Variants in PAN2 observed in about 807,000 individuals in gnomAD.
PAN2 encodes poly(A) specific ribonuclease subunit PAN2.
A neutral mutation model predicts 133.3 loss-of-function variants in PAN2; 68 were observed. The observed-to-expected ratio is 0.51, with a 90% CI of 0.42 to 0.62. PAN2 has a LOEUF of 0.62. Among genes scored for constraint, PAN2 ranks in the 20% least tolerant of loss-of-function variants. PAN2 has a pLI of 0.00. For synonymous variants in PAN2, 462 were observed against 544.6 expected (o/e 0.85, Z 2.11); for missense variants, 1,042 against 1,500.5 (o/e 0.69, Z 5.05).
In PAN2 at chr12:56,328,366, G is replaced by A. The variant is rs374590758; in HGVS notation, c.453-8C>T. ...TCCTCATTCTCATCCAGCCTGGTGGGGAGAGGAAAGGCTAAGGGGCCCAGG... is the reference window on the plus strand; with the variant it reads ...TCCTCATTCTCATCCAGCCTGGTGGAGAGAGGAAAGGCTAAGGGGCCCAGG... On this transcript the variant is annotated splice_polypyrimidine_tract_variant and splice_region_variant and intron_variant, in intron 3 of 25. Coordinates refer to ENST00000440411, the MANE Select transcript of PAN2 (RefSeq NM_014871.6). The A allele has an allele frequency of 2.5e-6, 4 of 1,592,490 alleles. No individual in the cohort carries two copies. The highest frequency in any genetic ancestry group is 1.7e-4 in the Middle Eastern group (1 of 5,960).
At position 56,328,030 on chromosome 12, in the gene PAN2, T is replaced by C; in HGVS notation, c.616A>G (p.Asn206Asp). The C allele has an allele frequency of 6.2e-7, 1 of 1,613,954 alleles. No homozygotes were observed. Among genetic ancestry groups the C allele is most frequent in the Non-Finnish European group, 8.5e-7 (1 of 1,179,896 alleles). The change falls in exon 5 of 26, where the codon AAT (asparagine) becomes GAT (aspartate). Residue 206 changes from asparagine to aspartate, a missense_variant. This residue lies in a region of PAN2 where 908 missense variants were observed against 1,223.5 expected (regional missense o/e 0.74). Coordinates refer to ENST00000440411, the MANE Select transcript of PAN2 (RefSeq NM_014871.6). ...GTGTGGCCGCAGAAGAAGAAGCGAT[T>C]TGTCTGTCTCATGATGGTGACTCCA... ...TPGVTIMRQT[N>D]RFFFCGHTSG...
At chr12:56,327,311 A>G (rs1376314557) in intron 6 of PAN2, 53 bp downstream of exon 6, 1 of 1,583,664 alleles carries the variant, frequency 6.3e-7, no homozygotes, top group Non-Finnish European at 8.7e-7. Context: ...TTCGGGTTCT[A>G]GCTCTCCTTT....
Position 56,326,800 on chromosome 12 carries a change from G to A in PAN2, c.1079C>T (p.Ser360Phe). Reference sequence around the variant, plus strand: ...GTAGGGGTTGAAGGAAGGCTCCGGGGAATCAGTCCAGAGGTGCACACAGCC... The same window carrying A: ...GTAGGGGTTGAAGGAAGGCTCCGGGAAATCAGTCCAGAGGTGCACACAGCC... ...SEGCVHLWTD[S>F]PEPSFNPYSR... Residue 360 changes from serine to phenylalanine, a missense_variant, in exon 7 of 26, where the codon TCC becomes TTC. Ser to Phe is a radical substitution (Grantham distance 155). Transcript: ENST00000440411. The A allele has an allele frequency of 1.9e-6, 3 of 1,614,214 alleles. No individual in the cohort carries two copies. The highest frequency in any genetic ancestry group is 2.5e-6 in the Non-Finnish European group (3 of 1,180,032).
chr12:56,332,902 A>T lies in PAN2; in HGVS notation c.193T>A (p.Leu65Met), dbSNP rs1876078388. The T allele has an allele frequency of 6.2e-7, 1 of 1,614,078 alleles. No individual in the cohort carries two copies. Among genetic ancestry groups the T allele is most frequent in the Admixed American group, 1.7e-5 (1 of 59,998 alleles). Residue 65 changes from leucine to methionine, a missense_variant, in exon 2 of 26, where the codon TTG becomes ATG. Transcript: ENST00000440411. Reference protein sequence around the residue: ...VHIMEGVYSELHSVVAEVGVP... With the variant: ...VHIMEGVYSEMHSVVAEVGVP... ...CCCACTTCAGCCACCACGCTGTGCA[A>T]TTCAGAGTAGACACCTTCCATTATG...
chr12:56,320,073 G>A (rs770982745), intron 20 of PAN2, 52 bp from the exon 21 acceptor site: 2 of 1,577,348 alleles, frequency 1.3e-6, no homozygotes, highest in African/African-American at 2.7e-5. Flanking sequence ...AGTGACTAGG[G>A]GAGAGAAGCC....
chr12:56,332,732 CT>C, intron 2 of PAN2, 80 bp downstream of exon 2: 1 of 1,453,002 alleles, frequency 6.9e-7, no homozygotes, highest in Non-Finnish European at 9.5e-7. Flanking sequence ...TACTGGCTAT[CT>C]GCAAAGCAGC....
Position 56,319,136 on chromosome 12 carries a change from G to A in PAN2, c.3316C>T (p.Pro1106Ser), listed in dbSNP as rs1487237094. ...VLDTVYLFHM[P>S]RKRMISLRFL... ...CGCAGGGAAATCATTCGTTTTCGGG[G>A]CATATGGAACAGGTAGACAGTGTCA... Residue 1106 changes from proline (P) to serine (S), a missense_variant, in exon 24 of 26, where the codon CCC becomes TCC. Pro to Ser is a moderately conservative substitution (Grantham distance 74). Coordinates refer to ENST00000440411, the MANE Select transcript of PAN2 (RefSeq NM_014871.6). This position sits in a 1 kb window ranked among gnomAD's most constrained non-coding sequence, Gnocchi z 5.4. 2 of 1,614,134 alleles carry A rather than the reference G, an allele frequency of 1.2e-6. No individual in the cohort carries two copies. The highest frequency in any genetic ancestry group is 3.3e-5 in the Admixed American group (2 of 60,014).
Position 56,328,047 on chromosome 12 carries a change from G to A in PAN2, c.599C>T (p.Thr200Ile). ...GAAGCGATTTGTCTGTCTCATGATG[G>A]TGACTCCAGGCGTCTCTACTGCATA... ...QKYAVETPGV[T>I]IMRQTNRFFF... Residue 200 changes from threonine (T) to isoleucine (I), a missense_variant, in exon 5 of 26, where the codon ACC (threonine) becomes ATC (isoleucine). By Grantham distance (89) the Thr-to-Ile change is moderately conservative (BLOSUM62 -1). This residue lies in a region of PAN2 where 908 missense variants were observed against 1,223.5 expected (regional missense o/e 0.74). Transcript: ENST00000440411. The A allele has an allele frequency of 6.2e-7, 1 of 1,613,990 alleles. No homozygotes were observed. The highest frequency in any genetic ancestry group is 8.5e-7 in the Non-Finnish European group (1 of 1,179,926).
Position 56,324,342 on chromosome 12 carries a change from T to A in PAN2, c.1880A>T (p.Asp627Val). 6.2e-7 allele frequency: 1 copy of A among 1,614,094 alleles called. No homozygotes were observed. Among genetic ancestry groups the A allele is most frequent in the South Asian group, 1.1e-5 (1 of 91,084 alleles). The change falls in exon 12 of 26, where the codon GAT (aspartate) becomes GTT (valine). Residue 627 changes from aspartate (D) to valine (V), a missense_variant. Coordinates refer to ENST00000440411, the MANE Select transcript of PAN2 (RefSeq NM_014871.6). ...NRFILTQLHQDMQELEIPQAY... is the reference protein window; with the variant it reads ...NRFILTQLHQVMQELEIPQAY... ...CTGTGGTATTTCCAGCTCCTGCATATCTTGATGCAGTTGAGTGAGAATGAA... is the reference window on the plus strand; with the variant it reads ...CTGTGGTATTTCCAGCTCCTGCATAACTTGATGCAGTTGAGTGAGAATGAA...
chr12:56,327,945 A>G (rs775461773), intron 5 of PAN2, 50 bp downstream of exon 5: 6 of 1,612,138 alleles, frequency 3.7e-6, no homozygotes, highest in Non-Finnish European at 4.2e-6. Context: ...GCAATCAGGT[A>G]TCTAGTGAAA....
chr12:56,328,118 C>A, intron 4 of PAN2, 46 bp from the exon 5 acceptor site: 1 of 1,611,816 alleles, frequency 6.2e-7, no homozygotes, highest in South Asian at 1.1e-5. Context: ...TGATTTTTCC[C>A]ACAGACCAAG....
chr12:56,322,275 G>A, intron 19 of PAN2, 107 bp from the exon 20 acceptor site: 4 of 1,044,772 alleles, frequency 3.8e-6, no homozygotes, highest in Non-Finnish European at 5.8e-6. Flanking sequence ...TTTTTTTCAG[G>A]TGCTATTTTT....
intron 20 of PAN2, among the ~76,000 whole-genome samples, chr12:56,320,745 CTTTT>C (rs764563787): frequency 1.0e-4 from 12 of 115,194 alleles, no homozygotes; most frequent in East Asian, 2.4e-4. Context: ...CTTACAGCTG[CTTTT>C]TTTTTTTTTT....
chr12:56,318,228 A>G lies in PAN2; in HGVS notation c.3562+9T>C, dbSNP rs1384772187. The G allele has an allele frequency of 6.2e-7, 1 of 1,610,418 alleles. No individual in the cohort carries two copies. The highest frequency in any genetic ancestry group is 2.2e-5 in the East Asian group (1 of 44,868). On this transcript the variant is annotated intron_variant, in intron 25 of 25. Coordinates refer to ENST00000440411, the MANE Select transcript of PAN2 (RefSeq NM_014871.6). ...AGTCCAGTTTCCCTTGTCCCATCCC[A>G]GGTCTTACTCTTGGGACTTGTTTGG...
rs750005813 is a variant in PAN2 at position 56,318,298 on chromosome 12, A to T, written c.3501T>A (p.Tyr1167Ter). ...ESFHKVLKGL[Y>*]EKGRKMDWKV... is the part of the protein sequence containing the mutation. ...TCCAGTCCATCTTTCTGCCCTTCTCATAAAGACCCTTGAGCACCTTGTGGA... is the reference window on the plus strand; with the variant it reads ...TCCAGTCCATCTTTCTGCCCTTCTCTTAAAGACCCTTGAGCACCTTGTGGA... Residue 1167 changes from tyrosine to a stop codon, truncating the protein, a stop_gained, in exon 25 of 26, where the codon TAT becomes TAA. Transcript: ENST00000440411. LOFTEE classifies it high-confidence loss of function. 1 of 1,614,032 alleles carries T rather than the reference A, an allele frequency of 6.2e-7. No homozygotes were observed. Among genetic ancestry groups the T allele is most frequent in the Non-Finnish European group, 8.5e-7 (1 of 1,180,000 alleles).
At chr12:56,332,636 A>C in intron 2 of PAN2, 177 bp downstream of exon 2, 1 of 636,932 alleles carries the variant, frequency 1.6e-6, no homozygotes. Flanking sequence ...CCTCCTGAGA[A>C]AGAATATGTC....
At position 56,319,581 on chromosome 12, in the gene PAN2, C is replaced by A; in HGVS notation, c.3090+40G>T. The A allele has an allele frequency of 6.3e-7, 1 of 1,591,384 alleles. No homozygotes were observed. Reference sequence around the variant, plus strand: ...TGGGTTCTTGAGCACTGTAAGTAAGCACCAGGGTGTGCCTCACTTGCATCT... The same window carrying A: ...TGGGTTCTTGAGCACTGTAAGTAAGAACCAGGGTGTGCCTCACTTGCATCT... On this transcript the variant is annotated intron_variant, in intron 22 of 25. Transcript: ENST00000440411. The surrounding 1 kb of genome is among the most constrained non-coding windows in gnomAD (Gnocchi z 5.4).
At chr12:56,325,610 C>T (rs1324120215) in intron 8 of PAN2, among the ~76,000 whole-genome samples, 156 bp from the exon 9 acceptor site, 1 of 152,248 alleles carries the variant, frequency 6.6e-6, no homozygotes, top group African/African-American at 2.4e-5. Context: ...CCACTGCCAT[C>T]ACTCTGCTTC....
chr12:56,332,112 A>G (rs1428404735), intron 2 of PAN2, among the ~76,000 whole-genome samples: 1 of 152,192 alleles, frequency 6.6e-6, no homozygotes, highest in Admixed American at 6.5e-5. Context: ...GCTCTGAGAG[A>G]TATTAAAATC....
Sources: gnomAD v4.1 joint callset for allele counts (sites outside exome capture counted in the v4.1 genomes callset) on GRCh38, gnomAD v4.1.1 for gene constraint, gnomAD v4.1.1 regional missense constraint, Gnocchi (gnomAD v3.1) non-coding constraint, MANE v1.5 for transcripts, NCBI Gene and HGNC (gene_info 2026-07-23, HGNC 2026-07-21) for gene names.